SPHKAP: variants seen among roughly 807,000 people sequenced by gnomAD.
The protein encoded by SPHKAP is SPHK1 interactor, AKAP domain containing, also known as A-kinase anchor protein SPHKAP.
Under a neutral mutation model 137.5 loss-of-function variants are expected in SPHKAP, and 67 were observed. The ratio of observed to expected loss-of-function variants is 0.49; its 90% confidence interval spans 0.40 to 0.60. The LOEUF (loss-of-function observed/expected upper bound fraction) is 0.60, where lower values mean the gene tolerates loss of function less well. Among genes scored for constraint, SPHKAP ranks in the 20% least tolerant of loss-of-function variants. The pLI is 0.00. For synonymous variants in SPHKAP, 813 were observed against 785.3 expected, an observed-to-expected ratio of 1.04 and a Z score of -0.59; for missense variants, 2,097 against 2,069.3, an observed-to-expected ratio of 1.01 and a Z score of -0.26.
intron 1 of SPHKAP, among the ~76,000 whole-genome samples, chr2:228,147,898 C>G (rs988599998): frequency 6.6e-6 from 1 of 152,102 alleles, no homozygotes; most frequent in Non-Finnish European, 1.5e-5. Flanking sequence ...TGCACTTAAT[C>G]AAGTGCAACT....
At chr2:228,128,607 C>A (rs1242136989) in intron 2 of SPHKAP, among the ~76,000 whole-genome samples, 2 of 152,106 alleles carry the variant, frequency 1.3e-5, no homozygotes, top group Admixed American at 1.3e-4. Context: ...TGCCCAGATC[C>A]ATCAAAGGAA....
intron 3 of SPHKAP, among the ~76,000 whole-genome samples, chr2:228,033,457 T>A (rs1000218723): frequency 6.6e-6 from 1 of 152,128 alleles, no homozygotes; most frequent in Non-Finnish European, 1.5e-5. Flanking sequence ...ACTGTCAACA[T>A]TGGACAGATC....
intron 3 of SPHKAP, among the ~76,000 whole-genome samples, chr2:228,074,780 C>T (rs1697121732): frequency 6.6e-6 from 1 of 152,068 alleles, no homozygotes; most frequent in African/African-American, 2.4e-5. Context: ...GCCCTCCTTC[C>T]TTTGATCTTT....
chr2:228,083,115 A>G (rs1697415858), intron 3 of SPHKAP, among the ~76,000 whole-genome samples: 1 of 152,226 alleles, frequency 6.6e-6, no homozygotes, highest in Admixed American at 6.5e-5. Context: ...CAAAGAAAAA[A>G]TAAACCTCTC....
intron 5 of SPHKAP, among the ~76,000 whole-genome samples, chr2:228,022,625 A>G (rs182961093): frequency 6.6e-6 from 1 of 152,306 alleles, no homozygotes; most frequent in East Asian, 1.9e-4. Flanking sequence ...GCTTTTACAA[A>G]AGGATTTACA....
At chr2:228,093,773 G>A (rs1173292638) in intron 3 of SPHKAP, among the ~76,000 whole-genome samples, 3 of 141,104 alleles carry the variant, frequency 2.1e-5, no homozygotes, top group South Asian at 2.3e-4. Flanking sequence ...CAGGAGAATC[G>A]TTTGAACCCG....
At chr2:228,142,517 C>T (rs776262647) in intron 1 of SPHKAP, among the ~76,000 whole-genome samples, 4 of 151,678 alleles carry the variant, frequency 2.6e-5, no homozygotes, top group Non-Finnish European at 5.9e-5. Context: ...TATTATCAGC[C>T]ATAAAAAAGA....
chr2:228,116,675 G>T (rs777759320), intron 2 of SPHKAP, among the ~76,000 whole-genome samples: 2 of 152,132 alleles, frequency 1.3e-5, no homozygotes, highest in Non-Finnish European at 2.9e-5. Flanking sequence ...TATTTGCTGT[G>T]GGTGAGCCCA....
intron 3 of SPHKAP, among the ~76,000 whole-genome samples, chr2:228,051,057 G>A (rs899548929): frequency 2.6e-5 from 4 of 151,886 alleles, no homozygotes; most frequent in Admixed American, 1.3e-4. Context: ...CCTCCACCTC[G>A]GCCTCCCAAA....
intron 7 of SPHKAP, among the ~76,000 whole-genome samples, chr2:228,012,163 C>CAA (rs544782857): frequency 7.9e-4 from 67 of 84,852 alleles, no homozygotes; most frequent in Non-Finnish European, 9.4e-4. Flanking sequence ...GACTCTACCT[C>CAA]AAAAAAAAAA....
chr2:228,084,284 A>G (rs1298082232), intron 3 of SPHKAP, among the ~76,000 whole-genome samples: 2 of 152,134 alleles, frequency 1.3e-5, no homozygotes, highest in Non-Finnish European at 2.9e-5. Flanking sequence ...TAGTATTAAA[A>G]AGTTATATTC....
At chr2:228,168,186 C>A (rs1411747029) in intron 1 of SPHKAP, among the ~76,000 whole-genome samples, 1 of 148,456 alleles carries the variant, frequency 6.7e-6, no homozygotes, top group African/African-American at 2.5e-5. Flanking sequence ...TATGAATAGA[C>A]CATAATTTTA....
At chr2:228,007,696 A>G (rs558078615) in intron 7 of SPHKAP, among the ~76,000 whole-genome samples, 101 of 152,290 alleles carry the variant, frequency 6.6e-4, no homozygotes, top group Non-Finnish European at 1.3e-3. Flanking sequence ...CAGGATGGCA[A>G]TGGCATAAAA....
At chr2:228,036,894 G>A (rs1412629203) in intron 3 of SPHKAP, among the ~76,000 whole-genome samples, 1 of 151,832 alleles carries the variant, frequency 6.6e-6, no homozygotes, top group Admixed American at 6.6e-5. Flanking sequence ...GGGGTGGGAG[G>A]AGGGGGGAGG....
intron 3 of SPHKAP, among the ~76,000 whole-genome samples, chr2:228,092,370 C>G (rs1471065286): frequency 2.2e-5 from 3 of 138,944 alleles, no homozygotes; most frequent in Non-Finnish European, 4.7e-5. Context: ...CACACATATA[C>G]ATACAGATAT....
intron 1 of SPHKAP, among the ~76,000 whole-genome samples, chr2:228,175,367 T>C (rs1700708919): frequency 1.3e-5 from 2 of 152,166 alleles, no homozygotes; most frequent in Non-Finnish European, 2.9e-5. Flanking sequence ...GTTTATGACA[T>C]TTGTAAAAAT....
In SPHKAP at chr2:228,131,962, G is replaced by A; in HGVS notation, c.138+18C>T. 6.2e-7 allele frequency: 1 copy of A among 1,609,254 alleles called. No homozygotes were observed. Among genetic ancestry groups the A allele is most frequent in the Non-Finnish European group, 8.5e-7 (1 of 1,175,900 alleles). Reference sequence around the variant, plus strand: ...CAAGTTCAACTGACAAGAAGAAAGTGGCGTAAGGCAAGGTTACCTTCTTAC... The same window carrying A: ...CAAGTTCAACTGACAAGAAGAAAGTAGCGTAAGGCAAGGTTACCTTCTTAC... On this transcript the variant is annotated intron_variant, in intron 2 of 11. Coordinates refer to ENST00000392056, the MANE Select transcript of SPHKAP (RefSeq NM_001142644.2).
chr2:228,057,835 T>C (rs377722533), intron 3 of SPHKAP, among the ~76,000 whole-genome samples: 1 of 152,164 alleles, frequency 6.6e-6, no homozygotes, highest in African/African-American at 2.4e-5. Flanking sequence ...GTCTTTATCT[T>C]GGAAGCACTA....
At chr2:228,109,496 A>C in intron 2 of SPHKAP, 1 of 464,168 alleles carries the variant, frequency 2.2e-6, no homozygotes, top group Non-Finnish European at 2.8e-6. Flanking sequence ...TTTGCCATTT[A>C]GAAATAGCAC....
Sources: allele counts gnomAD v4.1 joint callset (sites outside exome capture counted in the v4.1 genomes callset), GRCh38; gene constraint gnomAD v4.1.1; transcripts MANE v1.5; gene names NCBI Gene and HGNC (gene_info 2026-07-23, HGNC 2026-07-21).